Variants in CUX1 observed in about 807,000 individuals in gnomAD.
CUX1 encodes protein CASP.
In CUX1, 31 loss-of-function variants were observed where a neutral mutation model predicts 158.8. The ratio of observed to expected loss-of-function variants is 0.20; its 90% CI spans 0.15 to 0.26. The LOEUF (loss-of-function observed/expected upper bound fraction) is 0.26, where lower values mean the gene tolerates loss of function less well. Ranked by LOEUF, CUX1 falls within the 10% of genes least tolerant of loss-of-function variation. The pLI, the probability that CUX1 is intolerant of heterozygous loss-of-function variation, is 1.00. For synonymous variants in CUX1, 879 were observed against 862.1 expected, an observed-to-expected ratio of 1.02 and a Z score of -0.34; for missense variants, 1,589 against 2,014.6, an observed-to-expected ratio of 0.79 and a Z score of 4.04.
chr7:101,893,563 A>G (rs1056025642), intron 1 of CUX1, among the ~76,000 whole-genome samples: 1 of 152,268 alleles, frequency 6.6e-6, no homozygotes, highest in East Asian at 1.9e-4. Flanking sequence ...GCAGCCAAGC[A>G]TCCCTTTTGG....
chr7:102,211,329 C>G (rs1796493032), intron 20 of CUX1, among the ~76,000 whole-genome samples: 1 of 151,814 alleles, frequency 6.6e-6, no homozygotes, highest in South Asian at 2.1e-4. Context: ...ACCTGTGATC[C>G]CTGCTACTCA....
intron 3 of CUX1, among the ~76,000 whole-genome samples, chr7:102,050,159 C>T (rs1644484176): frequency 6.6e-6 from 1 of 152,196 alleles, no homozygotes. Flanking sequence ...GGAGTCAGAT[C>T]TGGATTTGAA....
intron 3 of CUX1, among the ~76,000 whole-genome samples, chr7:102,058,377 G>T (rs59016996): frequency 1.3e-5 from 2 of 151,990 alleles, no homozygotes; most frequent in East Asian, 3.9e-4. Context: ...GGGTTCAAGC[G>T]ATTCTCATGC....
chr7:101,947,800 C>CAATGTGGAAG (rs1445279459), intron 2 of CUX1, among the ~76,000 whole-genome samples: 15 of 152,088 alleles, frequency 9.9e-5, no homozygotes, highest in African/African-American at 3.6e-4. Context: ...ACTTACTTAG[C>CAATGTGGAAG]CATTCCACTG....
chr7:102,004,438 TTGATTTATG>T (rs1461204431), intron 2 of CUX1, among the ~76,000 whole-genome samples: 1 of 152,172 alleles, frequency 6.6e-6, no homozygotes, highest in Non-Finnish European at 1.5e-5. Flanking sequence ...TCCCACATAC[TTGATTTATG>T]TGGACTGGGA....
At chr7:102,035,606 A>C (rs2129349307) in intron 3 of CUX1, among the ~76,000 whole-genome samples, 1 of 144,610 alleles carries the variant, frequency 6.9e-6, no homozygotes, top group African/African-American at 2.6e-5. Flanking sequence ...TCAGCAGCAA[A>C]CTTAAAAAGT....
chr7:101,848,447 G>A (rs1046330038), intron 1 of CUX1, among the ~76,000 whole-genome samples: 1 of 152,092 alleles, frequency 6.6e-6, no homozygotes, highest in East Asian at 1.9e-4. Flanking sequence ...TTCCTACCGC[G>A]AGGAGAAAAT....
chr7:102,135,699 G>A (rs1554498572), intron 8 of CUX1, among the ~76,000 whole-genome samples: 1 of 152,056 alleles, frequency 6.6e-6, no homozygotes, highest in African/African-American at 2.4e-5. Context: ...TTCAGGCCAG[G>A]CACGGTGGCT....
chr7:102,006,383 A>AT (rs946298529), intron 2 of CUX1, among the ~76,000 whole-genome samples: 2 of 151,524 alleles, frequency 1.3e-5, no homozygotes, highest in Non-Finnish European at 2.9e-5. Flanking sequence ...GGTAGAATGG[A>AT]TTTTTTTTCT....
chr7:101,880,355 C>A (rs79292242), intron 1 of CUX1, among the ~76,000 whole-genome samples: 1 of 152,238 alleles, frequency 6.6e-6, no homozygotes, highest in Non-Finnish European at 1.5e-5. Flanking sequence ...GGACGGTGTG[C>A]GTTCCCGGCA....
intron 8 of CUX1, among the ~76,000 whole-genome samples, chr7:102,133,989 T>A (rs573390872): frequency 5.1e-4 from 78 of 152,324 alleles, no homozygotes; most frequent in African/African-American, 1.6e-3. Context: ...CTTAGATTTG[T>A]TATTTAGTGC....
chr7:102,142,994 G>A (rs1834628542), intron 8 of CUX1, among the ~76,000 whole-genome samples: 1 of 152,172 alleles, frequency 6.6e-6, no homozygotes, highest in Non-Finnish European at 1.5e-5. Context: ...TTCCTGCCAG[G>A]TTGTTGTCTA....
At chr7:101,982,968 C>T (rs867292517) in intron 2 of CUX1, among the ~76,000 whole-genome samples, 16 of 151,344 alleles carry the variant, frequency 1.1e-4, no homozygotes, top group African/African-American at 3.4e-4. Context: ...TCAGGACACC[C>T]ACAGAGGTGT....
chr7:102,239,650 C>A, intron 23 of CUX1, 66 bp downstream of exon 23: 1 of 1,539,306 alleles, frequency 6.5e-7, no homozygotes, highest in South Asian at 1.3e-5. Flanking sequence ...GTCCGGAGGC[C>A]GCCATGGCGC....
chr7:102,220,949 G>A (rs1179807249), intron 20 of CUX1, among the ~76,000 whole-genome samples: 1 of 152,088 alleles, frequency 6.6e-6, no homozygotes, highest in African/African-American at 2.4e-5. Flanking sequence ...GACCTCAAGC[G>A]ATCTGCCCAC....
At chr7:102,231,806 C>G (rs371822572) in intron 21 of CUX1, among the ~76,000 whole-genome samples, 2 of 151,478 alleles carry the variant, frequency 1.3e-5, no homozygotes, top group Non-Finnish European at 2.9e-5. Flanking sequence ...CTCCGCCTCC[C>G]GGGTTCACGC....
chr7:102,097,707 C>G (rs1489488850), intron 5 of CUX1, among the ~76,000 whole-genome samples: 1 of 90,792 alleles, frequency 1.1e-5, no homozygotes, highest in Non-Finnish European at 2.3e-5. Flanking sequence ...CTCTGCACAA[C>G]AACGACGTAA....
At chr7:101,995,778 G>A (rs1394673490) in intron 2 of CUX1, among the ~76,000 whole-genome samples, 1 of 152,170 alleles carries the variant, frequency 6.6e-6, no homozygotes, top group Non-Finnish European at 1.5e-5. Flanking sequence ...AGAGTGGGAA[G>A]CAGCTTGCAG....
intron 17 of CUX1, among the ~76,000 whole-genome samples, chr7:102,200,958 G>A (rs184268336): frequency 6.7e-6 from 1 of 149,846 alleles, no homozygotes; most frequent in East Asian, 2.0e-4. Flanking sequence ...GGGAGGTGGA[G>A]GGTGGGTACA....
Sources: gnomAD v4.1 joint callset for allele counts (sites outside exome capture counted in the v4.1 genomes callset) on GRCh38, gnomAD v4.1.1 for gene constraint, MANE v1.5 for transcripts, NCBI Gene and HGNC (gene_info 2026-07-23, HGNC 2026-07-21) for gene names.